PTCHD4: variants seen among roughly 807,000 people sequenced by gnomAD.
PTCHD4 encodes patched domain containing 4, also known as patched domain-containing protein 4.
Under a neutral mutation model 58.1 loss-of-function variants are expected in PTCHD4, and 33 were observed. That is an observed-to-expected ratio of 0.57 (90% CI 0.43 to 0.76). PTCHD4 has a LOEUF of 0.76. Ranked by LOEUF, PTCHD4 falls within the 30% of genes least tolerant of loss-of-function variation. The pLI, the probability that PTCHD4 is intolerant of heterozygous loss-of-function variation, is 0.00. For synonymous variants in PTCHD4, 478 were observed against 409.6 expected (o/e 1.17, Z -2.02); for missense variants, 1,058 against 1,027.1 (o/e 1.03, Z -0.41).
chr6:48,083,426 G>A lies in PTCHD4; in HGVS notation c.-969-13500C>T, dbSNP rs964857337. 4.6e-5 allele frequency among the ~76,000 whole-genome samples: 7 copies of A among 151,934 alleles called. No homozygotes were observed. In the South Asian group the frequency reaches 8.3e-4, roughly 18 times the overall value. On this transcript the variant is annotated intron_variant, in intron 1 of 4. Transcript: ENST00000339488. ...AAGAAGAAGAATGGAATTCTTTTTG[G>A]GTAATCACATTTGCTTAGTTGGATA...
At chr6:47,982,481 C>CTTTTTTTTTTTTTT (rs375869071) in intron 4 of PTCHD4, among the ~76,000 whole-genome samples, 14 of 130,794 alleles carry the variant, frequency 1.1e-4, no homozygotes, top group East Asian at 2.3e-4. Context: ...TTATCTCTCT[C>CTTTTTTTTTTTTTT]TTTTTTTTTT....
At chr6:48,075,015 A>AGG (rs1765037541) in intron 1 of PTCHD4, among the ~76,000 whole-genome samples, 1 of 152,120 alleles carries the variant, frequency 6.6e-6, no homozygotes, top group Non-Finnish European at 1.5e-5. Flanking sequence ...ATAAGCATAT[A>AGG]TATTATTCAC....
intron 4 of PTCHD4, among the ~76,000 whole-genome samples, chr6:48,002,202 GC>G (rs1275252901): frequency 3.9e-5 from 6 of 152,184 alleles, no homozygotes; most frequent in Admixed American, 2.6e-4. Flanking sequence ...AGTCGGTGTG[GC>G]GATTCCTCAG....
intron 3 of PTCHD4, among the ~76,000 whole-genome samples, chr6:48,032,166 G>A (rs141999470): frequency 1.3e-5 from 2 of 151,328 alleles, no homozygotes; most frequent in African/African-American, 2.4e-5. Flanking sequence ...AAGAAAGTGT[G>A]TATGAAAAAA....
chr6:48,065,092 C>T (rs1764752717), intron 3 of PTCHD4, among the ~76,000 whole-genome samples: 4 of 152,050 alleles, frequency 2.6e-5, no homozygotes, highest in Admixed American at 2.6e-4. Context: ...AGTTCTAAAC[C>T]TTTCTGTGTC....
At chr6:48,063,093 A>T (rs1432932599) in intron 3 of PTCHD4, among the ~76,000 whole-genome samples, 3 of 151,990 alleles carry the variant, frequency 2.0e-5, no homozygotes, top group Non-Finnish European at 1.5e-5. Flanking sequence ...TTTTCAGGCC[A>T]TTTGAAGCCA....
chr6:48,020,449 T>TTCAA (rs1763025796), intron 3 of PTCHD4, among the ~76,000 whole-genome samples: 1 of 151,994 alleles, frequency 6.6e-6, no homozygotes, highest in Admixed American at 6.5e-5. Context: ...TTCTCATAAA[T>TTCAA]TCAATCAATT....
At chr6:47,886,154 C>T (rs375778970) in intron 4 of PTCHD4, among the ~76,000 whole-genome samples, 5 of 144,392 alleles carry the variant, frequency 3.5e-5, no homozygotes, top group East Asian at 4.0e-4. Flanking sequence ...CAATGTTGTT[C>T]TATAAATCCA....
intron 4 of PTCHD4, among the ~76,000 whole-genome samples, chr6:47,974,104 CG>C (rs1168381462): frequency 6.6e-6 from 1 of 152,062 alleles, no homozygotes; most frequent in Non-Finnish European, 1.5e-5. Flanking sequence ...AAGAAGAAGA[CG>C]GGAATGAGTA....
In PTCHD4 at chr6:47,878,774, A is replaced by G; in HGVS notation, c.2061T>C (p.Leu687=). 1 of 1,613,650 alleles carries G rather than the reference A, an allele frequency of 6.2e-7. No individual in the cohort carries two copies. Among genetic ancestry groups the G allele is most frequent in the Non-Finnish European group, 8.5e-7 (1 of 1,179,760 alleles). The change falls in exon 5 of 5, where the codon CTT becomes CTC. Residue 687 remains leucine, a synonymous_variant. Coordinates refer to ENST00000339488, the MANE Select transcript of PTCHD4 (RefSeq NM_001384253.1). ...IHPLGNFWLI[L]SVTSIELGVL... is the part of the protein sequence containing the mutation. ...CGCCCAGCTCAATTGAGGTGACGCT[A>G]AGAATTAGCCAGAAGTTTCCCAGAG...
In PTCHD4 at chr6:48,069,298, A is replaced by G. The variant is rs567110289; in HGVS notation, c.-341T>C. On this transcript the variant is annotated 5_prime_UTR_variant, in exon 2 of 5. Transcript: ENST00000339488. ...CCCGCTGGAGTGAATTGAAGAGGAA[A>G]TAAATGGTGAAGGTGCTGCTGGCCC... 6.6e-6 allele frequency among the ~76,000 whole-genome samples: 1 copy of G among 152,182 alleles called. No individual in the cohort carries two copies. Among genetic ancestry groups the G allele is most frequent in the East Asian group, 1.9e-4 (1 of 5,164 alleles).
At chr6:47,899,375 A>T (rs1764627148) in intron 4 of PTCHD4, among the ~76,000 whole-genome samples, 1 of 152,202 alleles carries the variant, frequency 6.6e-6, no homozygotes, top group Admixed American at 6.5e-5. Flanking sequence ...CCCCTGATGG[A>T]CACCAAATGA....
At chr6:47,911,183 C>T (rs569906960) in intron 4 of PTCHD4, among the ~76,000 whole-genome samples, 1 of 152,238 alleles carries the variant, frequency 6.6e-6, no homozygotes, top group South Asian at 2.1e-4. Context: ...GAAGCACTAA[C>T]AGGAGACTGG....
rs542614514 is a variant in PTCHD4 at position 47,912,466 on chromosome 6, G to T, written c.899-32530C>A. Among the ~76,000 whole-genome samples, 5 of 152,098 alleles carry T rather than the reference G, an allele frequency of 3.3e-5. No homozygotes were observed. The East Asian group carries it at 9.7e-4, about 29-fold the overall frequency. On this transcript the variant is annotated intron_variant, in intron 4 of 4. Coordinates refer to ENST00000339488, the MANE Select transcript of PTCHD4 (RefSeq NM_001384253.1). ...GACTTTTGGTATCCTTGACCATTGC[G>T]TCCCCCAACACTAAATGCCAAAATA...
At chr6:48,070,153 G>A (rs201295987) in intron 1 of PTCHD4, among the ~76,000 whole-genome samples, 4 of 106,692 alleles carry the variant, frequency 3.7e-5, no homozygotes, top group Admixed American at 1.8e-4. Context: ...GTGTGTGTGT[G>A]TGTATATATA....
chr6:48,071,653 G>T (rs1012438159), intron 1 of PTCHD4, among the ~76,000 whole-genome samples: 3 of 152,058 alleles, frequency 2.0e-5, no homozygotes, highest in Admixed American at 6.5e-5. Context: ...TGAAATTAAA[G>T]AATCAATATT....
intron 4 of PTCHD4, among the ~76,000 whole-genome samples, chr6:47,990,573 C>T (rs568031627): frequency 2.6e-5 from 4 of 152,252 alleles, no homozygotes; most frequent in East Asian, 1.9e-4. Context: ...TTGCATCCTT[C>T]TCATTTTCTC....
At chr6:47,959,281 G>T (rs796478059) in intron 4 of PTCHD4, among the ~76,000 whole-genome samples, 61 of 152,016 alleles carry the variant, frequency 4.0e-4, no homozygotes, top group Non-Finnish European at 6.9e-4. Flanking sequence ...ACAATTCCTG[G>T]GATAAAAATA....
intron 3 of PTCHD4, among the ~76,000 whole-genome samples, chr6:48,062,492 G>T (rs1338751913): frequency 6.6e-6 from 1 of 151,690 alleles, no homozygotes; most frequent in African/African-American, 2.4e-5. Context: ...TTTAATCCTT[G>T]ACTTAGGAAA....
Sources: allele counts gnomAD v4.1 joint callset (sites outside exome capture counted in the v4.1 genomes callset), GRCh38; gene constraint gnomAD v4.1.1; transcripts MANE v1.5; gene names NCBI Gene and HGNC (gene_info 2026-07-23, HGNC 2026-07-21).